Variants in FRMD5 observed in about 807,000 individuals in gnomAD.
FRMD5 encodes FERM domain containing 5, also known as FERM domain-containing protein 5.
In FRMD5, 20 loss-of-function variants were observed where a neutral mutation model predicts 69.0. That is an observed-to-expected ratio of 0.29 (90% confidence interval 0.20 to 0.42). FRMD5 has a LOEUF of 0.42. FRMD5 is among the 10% of genes least tolerant of loss of function. The probability of loss-of-function intolerance (pLI) is 1.00; values close to 1 mark genes in which losing one functional copy is unlikely to be tolerated. For synonymous variants in FRMD5, 271 were observed against 260.1 expected, an observed-to-expected ratio of 1.04 and a Z score of -0.40; for missense variants, 595 against 708.6, an observed-to-expected ratio of 0.84 and a Z score of 1.82.
At chr15:44,143,719 A>AT (rs1248872671) in intron 1 of FRMD5, among the ~76,000 whole-genome samples, 1 of 151,246 alleles carries the variant, frequency 6.6e-6, no homozygotes, top group Non-Finnish European at 1.5e-5. Flanking sequence ...AGGCCAGGAG[A>AT]TTGAGACCAT....
intron 1 of FRMD5, among the ~76,000 whole-genome samples, chr15:44,187,338 T>G (rs2140593666): frequency 6.6e-6 from 1 of 152,332 alleles, no homozygotes; most frequent in Non-Finnish European, 1.5e-5. Context: ...ATTATTAGTT[T>G]AGATTGATTC....
At chr15:43,905,975 A>G (rs2089162255) in intron 5 of FRMD5, 24 bp from the exon 6 acceptor site, 1 of 1,614,014 alleles carries the variant, frequency 6.2e-7, no homozygotes, top group African/African-American at 1.3e-5. Context: ...GGTGGAAGAA[A>G]ACAATTGTGG....
In FRMD5 at chr15:43,900,847, G is replaced by A. The variant is rs947009598; in HGVS notation, c.639+1328C>T. Among the ~76,000 whole-genome samples the A allele has an allele frequency of 5.3e-5, 8 of 152,058 alleles. No individual in the cohort carries two copies. The East Asian group carries it at 1.5e-3, about 29-fold the overall frequency. Reference sequence around the variant, plus strand: ...TTGTCCAGGATGGTCTTGAACTCCTGACCTTGTGATCCGCCCACCTTGGCC... The same window carrying A: ...TTGTCCAGGATGGTCTTGAACTCCTAACCTTGTGATCCGCCCACCTTGGCC... On this transcript the variant is annotated intron_variant, in intron 7 of 13. Coordinates refer to ENST00000417257, the MANE Select transcript of FRMD5 (RefSeq NM_032892.5).
chr15:44,009,207 C>T (rs1335925052), intron 1 of FRMD5, among the ~76,000 whole-genome samples: 1 of 152,212 alleles, frequency 6.6e-6, no homozygotes, highest in East Asian at 1.9e-4. Flanking sequence ...CACACTATCT[C>T]TTCTTTGCCC....
intron 4 of FRMD5, among the ~76,000 whole-genome samples, chr15:43,918,620 C>G (rs1467522069): frequency 6.6e-6 from 1 of 152,162 alleles, no homozygotes; most frequent in Non-Finnish European, 1.5e-5. Flanking sequence ...AGCTGACAGT[C>G]CTATCTCTTC....
intron 1 of FRMD5, among the ~76,000 whole-genome samples, chr15:44,041,511 A>G (rs1892191668): frequency 6.6e-6 from 1 of 152,218 alleles, no homozygotes; most frequent in African/African-American, 2.4e-5. Context: ...TTATTCTAAA[A>G]TTGACCACAT....
chr15:43,935,476 ACT>A (rs1355186833), intron 1 of FRMD5, among the ~76,000 whole-genome samples: 1 of 152,042 alleles, frequency 6.6e-6, no homozygotes, highest in Non-Finnish European at 1.5e-5. Context: ...CAAGAGTGAA[ACT>A]CTGTCTCAAA....
At chr15:44,184,881 A>T (rs2078072703) in intron 1 of FRMD5, among the ~76,000 whole-genome samples, 2 of 152,234 alleles carry the variant, frequency 1.3e-5, no homozygotes. Context: ...TGACACACTG[A>T]AAGATCTCAT....
chr15:44,112,964 ATAAGT>A (rs1325462794), intron 1 of FRMD5, among the ~76,000 whole-genome samples: 1 of 152,194 alleles, frequency 6.6e-6, no homozygotes, highest in Non-Finnish European at 1.5e-5. Flanking sequence ...TGCTTCAGAG[ATAAGT>A]TAAGCTTCAT....
At chr15:43,986,653 A>C (rs1889405432) in intron 1 of FRMD5, among the ~76,000 whole-genome samples, 1 of 152,214 alleles carries the variant, frequency 6.6e-6, no homozygotes, top group Admixed American at 6.5e-5. Flanking sequence ...GGCACAGAAA[A>C]GATGTTTTCT....
intron 1 of FRMD5, among the ~76,000 whole-genome samples, chr15:44,136,692 T>C (rs1359671233): frequency 2.0e-5 from 3 of 152,198 alleles, no homozygotes; most frequent in Admixed American, 6.5e-5. Flanking sequence ...CACTGCCTTC[T>C]TTCTCCTCTT....
At chr15:44,095,937 C>T (rs1192354452) in intron 1 of FRMD5, among the ~76,000 whole-genome samples, 1 of 152,046 alleles carries the variant, frequency 6.6e-6, no homozygotes, top group Non-Finnish European at 1.5e-5. Context: ...CCGGGTGCGG[C>T]GGCTCACGCC....
intron 5 of FRMD5, among the ~76,000 whole-genome samples, chr15:43,907,707 C>G (rs1304076825): frequency 1.3e-5 from 2 of 152,168 alleles, no homozygotes; most frequent in Non-Finnish European, 2.9e-5. Context: ...GGGGTTTCAC[C>G]ATGTTGGCCA....
At chr15:44,131,847 G>A (rs779855814) in intron 1 of FRMD5, among the ~76,000 whole-genome samples, 1 of 42,776 alleles carries the variant, frequency 2.3e-5, no homozygotes, top group Non-Finnish European at 8.1e-5. Flanking sequence ...TTGACACCAG[G>A]GACTGGTTTC....
At chr15:44,120,047 T>C (rs2076924981) in intron 1 of FRMD5, among the ~76,000 whole-genome samples, 1 of 152,164 alleles carries the variant, frequency 6.6e-6, no homozygotes, top group Non-Finnish European at 1.5e-5. Context: ...TCAATATGAC[T>C]GGAGCATAGA....
intron 1 of FRMD5, among the ~76,000 whole-genome samples, chr15:43,947,605 G>A (rs895779546): frequency 2.6e-5 from 4 of 152,172 alleles, no homozygotes; most frequent in South Asian, 4.1e-4. Flanking sequence ...AAAGAAAGAC[G>A]GAGAGGGCAA....
chr15:43,922,335 G>A (rs1466408223), intron 2 of FRMD5, among the ~76,000 whole-genome samples: 1 of 152,170 alleles, frequency 6.6e-6, no homozygotes, highest in Non-Finnish European at 1.5e-5. Context: ...TTTTGTTAAG[G>A]ATGAGATGGA....
chr15:43,902,015 C>T, intron 7 of FRMD5, 160 bp downstream of exon 7: 1 of 648,578 alleles, frequency 1.5e-6, no homozygotes, highest in Non-Finnish European at 2.8e-6. Flanking sequence ...AGCATGTGAT[C>T]CAGAGGAGTT....
intron 1 of FRMD5, among the ~76,000 whole-genome samples, chr15:44,126,986 G>A (rs2077032273): frequency 6.6e-6 from 1 of 152,204 alleles, no homozygotes; most frequent in South Asian, 2.1e-4. Context: ...TGATCCTAAT[G>A]AATGTTCATT....
Sources: gnomAD v4.1 joint callset for allele counts (sites outside exome capture counted in the v4.1 genomes callset) on GRCh38, gnomAD v4.1.1 for gene constraint, MANE v1.5 for transcripts, NCBI Gene and HGNC (gene_info 2026-07-23, HGNC 2026-07-21) for gene names.